Variants in ELF4 observed in about 807,000 individuals in gnomAD.
ELF4 encodes the protein ETS-related transcription factor Elf-4.
ELF4 carries 10 observed loss-of-function variants against 31.7 expected under a neutral mutation model. The ratio of observed to expected loss-of-function variants is 0.32; its 90% CI spans 0.19 to 0.54. ELF4 has a LOEUF of 0.54. Ranked by LOEUF, ELF4 falls within the 20% of genes least tolerant of loss-of-function variation. The probability of loss-of-function intolerance (pLI) is 0.95; values close to 1 mark genes in which losing one functional copy is unlikely to be tolerated. For missense variants in ELF4, 418 were observed against 522.0 expected, an observed-to-expected ratio of 0.80 and a Z score of 1.94; for synonymous variants, 208 against 226.7, an observed-to-expected ratio of 0.92 and a Z score of 0.74.
At chrX:130,110,530 CGGCCGCCGG>C (rs1381441643), upstream of ELF4, 28 of 108,655 alleles carry the variant, frequency 2.6e-4, no homozygotes, top group Admixed American at 1.3e-3. Context: ...TCGGTCCCCG[CGGCCGCCGG>C]GGCCGCCGTC....
chrX:130,068,005 T>G (rs750346324), intron 8 of ELF4, among the ~76,000 whole-genome samples: 4 of 111,295 alleles, frequency 3.6e-5, no homozygotes, highest in African/African-American at 9.8e-5. Flanking sequence ...AGAGACAGAG[T>G]TTCACCATGT....
intron 1 of ELF4, among the ~76,000 whole-genome samples, chrX:130,085,380 A>C (rs1347462933): frequency 9.0e-6 from 1 of 111,661 alleles, no homozygotes; most frequent in Admixed American, 9.5e-5. Context: ...TCAAAACCGA[A>C]GCAAAATAGA....
At chrX:130,111,106 C>G (rs2124637799), upstream of ELF4, among the ~76,000 whole-genome samples, 2 of 108,145 alleles carry the variant, frequency 1.8e-5, no homozygotes, top group African/African-American at 6.7e-5. Flanking sequence ...CATGGGGAGC[C>G]GTGCCAGGGG....
At chrX:130,078,226 A>C (rs1462160885) in intron 2 of ELF4, among the ~76,000 whole-genome samples, 1 of 109,669 alleles carries the variant, frequency 9.1e-6, no homozygotes, top group Non-Finnish European at 1.9e-5. Context: ...TTGTATTTTT[A>C]GTAGAGACAG....
chrX:130,104,382 G>A (rs927110782), intron 1 of ELF4, among the ~76,000 whole-genome samples: 2 of 108,919 alleles, frequency 1.8e-5, no homozygotes, highest in African/African-American at 6.7e-5. Context: ...AGAAAAACCT[G>A]GAAAATCTCC....
intron 1 of ELF4, among the ~76,000 whole-genome samples, chrX:130,082,941 G>A (rs1932905706): frequency 9.0e-6 from 1 of 111,242 alleles, no homozygotes; most frequent in African/African-American, 3.3e-5. Context: ...GGCCCGGAAA[G>A]AAATGAGGAA....
chrX:130,104,595 T>C (rs1933343586), intron 1 of ELF4, among the ~76,000 whole-genome samples: 1 of 111,955 alleles, frequency 8.9e-6, no homozygotes, highest in Non-Finnish European at 1.9e-5. Flanking sequence ...GTGCTTTATA[T>C]GCATCGTCTC....
intron 8 of ELF4, among the ~76,000 whole-genome samples, chrX:130,068,952 G>A (rs951892709): frequency 2.7e-5 from 3 of 112,089 alleles, no homozygotes; most frequent in African/African-American, 6.5e-5. Context: ...TGCTAGGCAC[G>A]GTGGCTCACA....
chrX:130,066,504 A>G lies in ELF4; in HGVS notation c.*217T>C, dbSNP rs375447752. ...GTCAGCCCGTTATGCTGCCAAAAGCATATGCCCTAGTGCTCTTGAAGGCCA... is the reference window on the plus strand; with the variant it reads ...GTCAGCCCGTTATGCTGCCAAAAGCGTATGCCCTAGTGCTCTTGAAGGCCA... On this transcript the variant is annotated 3_prime_UTR_variant, in exon 9 of 9. Transcript: ENST00000308167. 4 of 422,578 alleles carry G rather than the reference A, an allele frequency of 9.5e-6. No individual in the cohort carries two copies. Among genetic ancestry groups the G allele is most frequent in the African/African-American group, 5.0e-5 (2 of 40,362 alleles). The allele number at this position is 422,578 out of a possible 1,213,427, so 34.8% of individuals were successfully genotyped here.
chrX:130,096,175 G>GT (rs942532895), intron 1 of ELF4, among the ~76,000 whole-genome samples: 12 of 109,179 alleles, frequency 1.1e-4, no homozygotes, highest in Admixed American at 1.9e-4. Context: ...AATGTTTTGG[G>GT]TTTTTTTTTG....
At chrX:130,079,184 G>T (rs773526689) in intron 2 of ELF4, among the ~76,000 whole-genome samples, 1 of 110,934 alleles carries the variant, frequency 9.0e-6, no homozygotes, top group Non-Finnish European at 1.9e-5. Flanking sequence ...GAGGCCAGGC[G>T]CGGTGGCTCA....
In ELF4 at chrX:130,066,681, A is replaced by C; in HGVS notation, c.*40T>G. 8.4e-7 allele frequency: 1 copy of C among 1,187,729 alleles called. No homozygotes were observed. Among genetic ancestry groups the C allele is most frequent in the Non-Finnish European group, 1.1e-6 (1 of 877,477 alleles). On this transcript the variant is annotated 3_prime_UTR_variant, in exon 9 of 9. Coordinates refer to ENST00000308167, the MANE Select transcript of ELF4 (RefSeq NM_001421.4). ...GTCGGTCCCTATGAAAATGCTGCTC[A>C]ATTTTGCCTGGTGGGTCACACTTGC... is the stretch of plus-strand genomic sequence containing the variant.
At chrX:130,082,004 C>T (rs901147331) in intron 1 of ELF4, among the ~76,000 whole-genome samples, 1 of 111,605 alleles carries the variant, frequency 9.0e-6, no homozygotes, top group African/African-American at 3.3e-5. Context: ...GGGGAAGAAT[C>T]GTGTGAGGGG....
chrX:130,101,878 G>A (rs750410905), intron 1 of ELF4, among the ~76,000 whole-genome samples: 6 of 110,409 alleles, frequency 5.4e-5, no homozygotes, highest in African/African-American at 9.9e-5. Flanking sequence ...GGCTCACGCC[G>A]GTAATCCCAG....
rs977514579 is a variant in ELF4 at position 130,066,562 on chromosome X, CTGTT to C, written c.*155_*158del. 5.4e-6 allele frequency: 3 copies of C among 555,771 alleles called. No individual in the cohort carries two copies. Among genetic ancestry groups the C allele is most frequent in the Non-Finnish European group, 9.1e-6 (3 of 329,818 alleles). 45.8% of individuals were successfully genotyped at this position (555,771 alleles called of 1,213,427 possible). ...ATGCCAGGGATGCTTAAGCTGGGCA[CTGTT>C]TGGCCACAGTGACACCAGGCAGGGC... On this transcript the variant is annotated 3_prime_UTR_variant, in exon 9 of 9. Transcript: ENST00000308167.
rs780658143 is a variant in ELF4, at chrX:130,070,536, C to T, written c.809+504G>A. Among the ~76,000 whole-genome samples, 7 of 108,746 alleles carry T rather than the reference C, an allele frequency of 6.4e-5. No individual in the cohort carries two copies. In the South Asian group the frequency reaches 2.4e-3, roughly 37 times the overall value. 94.4% of individuals were successfully genotyped at this position (108,746 alleles called of 115,157 possible). ...CTTGCAGTGAGCCGAGATCGTGCCA[C>T]TGCACTCCAGCCTGGGTGACAGAGC... On this transcript the variant is annotated intron_variant, in intron 7 of 8. Transcript: ENST00000308167.
At chrX:130,103,338 CAAGAA>C (rs950254468) in intron 1 of ELF4, among the ~76,000 whole-genome samples, 1 of 112,296 alleles carries the variant, frequency 8.9e-6, no homozygotes, top group African/African-American at 3.2e-5. Flanking sequence ...AACTCAACTA[CAAGAA>C]AACAAACAAT....
At chrX:130,102,322 T>A (rs1190161236) in intron 1 of ELF4, among the ~76,000 whole-genome samples, 1 of 112,217 alleles carries the variant, frequency 8.9e-6, no homozygotes, top group Non-Finnish European at 1.9e-5. Context: ...GAAAGGCTAA[T>A]ACTACCTGAT....
chrX:130,080,700 A>G lies in ELF4; in HGVS notation c.75+556T>C, dbSNP rs761380181. On this transcript the variant is annotated intron_variant, in intron 2 of 8. Coordinates refer to ENST00000308167, the MANE Select transcript of ELF4 (RefSeq NM_001421.4). ...AGTGGGGACCTCAGTGAGCACCAGA[A>G]TCCTGTCCTATTTTCCAACTTCCTC... Among the ~76,000 whole-genome samples, 53 of 111,037 alleles carry G rather than the reference A, an allele frequency of 4.8e-4. No individual in the cohort carries two copies. In the South Asian group the frequency reaches 0.018, roughly 37 times the overall value.
Sources: gnomAD v4.1 joint callset for allele counts (sites outside exome capture counted in the v4.1 genomes callset) on GRCh38, gnomAD v4.1.1 for gene constraint, MANE v1.5 for transcripts, NCBI Gene and HGNC (gene_info 2026-07-23, HGNC 2026-07-21) for gene names.